Variants in SLX4IP observed in about 807,000 individuals in gnomAD.
SLX4IP encodes the protein protein SLX4IP.
In SLX4IP, 34 loss-of-function variants were observed where a neutral mutation model predicts 32.9. The observed-to-expected ratio is 1.03, with a 90% CI of 0.79 to 1.38. The LOEUF is 1.38. Ranked by LOEUF, SLX4IP falls within the 40% of genes most tolerant of loss-of-function variation. SLX4IP has a pLI of 0.00. For missense variants in SLX4IP, 444 were observed against 479.0 expected (o/e 0.93, Z 0.68); for synonymous variants, 172 against 171.7 (o/e 1.00, Z -0.01).
At chr20:10,483,415 C>G (rs955809041) in intron 2 of SLX4IP, among the ~76,000 whole-genome samples, 1 of 152,132 alleles carries the variant, frequency 6.6e-6, no homozygotes, top group Admixed American at 6.6e-5. Context: ...AGCCACTGCG[C>G]TTGTCCAAGA....
At chr20:10,516,315 T>G (rs896968292) in intron 2 of SLX4IP, among the ~76,000 whole-genome samples, 3 of 152,232 alleles carry the variant, frequency 2.0e-5, no homozygotes, top group Admixed American at 1.3e-4. Context: ...AGGTTTAGTT[T>G]TTTTAGCTCA....
At chr20:10,480,479 G>A (rs1399214446) in intron 2 of SLX4IP, among the ~76,000 whole-genome samples, 3 of 151,942 alleles carry the variant, frequency 2.0e-5, no homozygotes, top group Non-Finnish European at 4.4e-5. Context: ...GTGTACTGTA[G>A]ATTATATCAT....
At chr20:10,451,274 C>A (rs2065239773) in intron 1 of SLX4IP, among the ~76,000 whole-genome samples, 1 of 151,986 alleles carries the variant, frequency 6.6e-6, no homozygotes, top group Non-Finnish European at 1.5e-5. Context: ...GATTCTCCTG[C>A]CTCAGCCTTG....
intron 6 of SLX4IP, among the ~76,000 whole-genome samples, chr20:10,620,486 A>G (rs900813271): frequency 6.6e-6 from 1 of 152,210 alleles, no homozygotes; most frequent in Non-Finnish European, 1.5e-5. Context: ...GCCAAGAATC[A>G]CAAACTACAG....
rs6108647 is a variant in SLX4IP at position 10,625,835 on chromosome 20, C to G, written c.*2456C>G. 6.6e-6 allele frequency: 1 copy of G among 152,110 alleles called. No homozygotes were observed. Among genetic ancestry groups the G allele is most frequent in the Non-Finnish European group, 1.5e-5 (1 of 68,018 alleles). 9.4% of individuals were successfully genotyped at this position (152,110 alleles called of 1,614,324 possible). A position where few individuals can be genotyped will look rare whatever the true frequency, so the allele number is the denominator to read the frequency against. ...AGGAATTTTGCCTTTAAGCATTTTTCTTGCACATGGCTGAAACACCCCTGG... is the reference window on the plus strand; with the variant it reads ...AGGAATTTTGCCTTTAAGCATTTTTGTTGCACATGGCTGAAACACCCCTGG... On this transcript the variant is annotated 3_prime_UTR_variant, in exon 8 of 8. Transcript: ENST00000334534.
chr20:10,468,747 G>GTT (rs898999569), intron 2 of SLX4IP, among the ~76,000 whole-genome samples: 5 of 151,918 alleles, frequency 3.3e-5, no homozygotes, highest in African/African-American at 1.2e-4. Context: ...CTTGCTATGT[G>GTT]TTTTTTTGAC....
chr20:10,614,109 T>A, intron 6 of SLX4IP: 1 of 1,526,036 alleles, frequency 6.6e-7, no homozygotes, highest in Non-Finnish European at 9.0e-7. Flanking sequence ...CAGGGACACC[T>A]TGTGGTAGCC....
intron 2 of SLX4IP, among the ~76,000 whole-genome samples, chr20:10,472,152 T>G (rs575071143): frequency 6.6e-6 from 1 of 152,184 alleles, no homozygotes; most frequent in Admixed American, 6.5e-5. Context: ...TTGTTTATTA[T>G]AGTTTTCTTA....
At chr20:10,518,493 CCTTCCTT>C (rs2065876087) in intron 2 of SLX4IP, among the ~76,000 whole-genome samples, 2 of 12,628 alleles carry the variant, frequency 1.6e-4, no homozygotes, top group African/African-American at 9.5e-4. Flanking sequence ...CTTTCCTTTT[CCTTCCTT>C]CCTTCCTTCC....
At chr20:10,487,908 T>A (rs138241651) in intron 2 of SLX4IP, among the ~76,000 whole-genome samples, 15 of 152,328 alleles carry the variant, frequency 9.8e-5, no homozygotes, top group African/African-American at 3.6e-4. Context: ...AATGGAATGA[T>A]GATTTCCTTT....
At chr20:10,455,828 C>T (rs2065280502) in intron 1 of SLX4IP, among the ~76,000 whole-genome samples, 1 of 152,116 alleles carries the variant, frequency 6.6e-6, no homozygotes, top group Middle Eastern at 3.2e-3. Context: ...CCAGGGTTGT[C>T]TCGAACTCCT....
At chr20:10,467,399 A>C (rs983065884) in intron 2 of SLX4IP, among the ~76,000 whole-genome samples, 1 of 152,192 alleles carries the variant, frequency 6.6e-6, no homozygotes, top group Admixed American at 6.5e-5. Context: ...GGAGTGTGCA[A>C]CCTTTGTCCC....
chr20:10,568,321 A>G (rs1313611932), intron 4 of SLX4IP, among the ~76,000 whole-genome samples: 1 of 152,202 alleles, frequency 6.6e-6, no homozygotes, highest in African/African-American at 2.4e-5. Flanking sequence ...CAGAATGTCA[A>G]CAGAGCAATG....
chr20:10,615,163 A>G (rs990992395), intron 6 of SLX4IP, among the ~76,000 whole-genome samples: 2 of 152,086 alleles, frequency 1.3e-5, no homozygotes, highest in African/African-American at 4.8e-5. Context: ...CTGCCTTCAT[A>G]CTGGAGAAGT....
At chr20:10,533,103 A>T (rs548235777) in intron 2 of SLX4IP, among the ~76,000 whole-genome samples, 23 of 152,108 alleles carry the variant, frequency 1.5e-4, no homozygotes, top group African/African-American at 5.5e-4. Flanking sequence ...GTCAAGAAGG[A>T]GAAACTTCAG....
chr20:10,532,132 G>C (rs996706506), intron 2 of SLX4IP, among the ~76,000 whole-genome samples: 1 of 152,120 alleles, frequency 6.6e-6, no homozygotes, highest in African/African-American at 2.4e-5. Flanking sequence ...TTGTGTACAT[G>C]TGCCAAGATG....
chr20:10,578,414 A>C (rs1258261284), intron 4 of SLX4IP, among the ~76,000 whole-genome samples: 1 of 152,228 alleles, frequency 6.6e-6, no homozygotes, highest in Non-Finnish European at 1.5e-5. Context: ...TATCAGTAGT[A>C]CTTTATTTCA....
intron 6 of SLX4IP, among the ~76,000 whole-genome samples, chr20:10,607,774 A>G (rs2066921400): frequency 6.6e-6 from 1 of 152,218 alleles, no homozygotes; most frequent in Admixed American, 6.5e-5. Flanking sequence ...ATAAGAAAAA[A>G]AAAAATCTCT....
At chr20:10,469,002 A>C (rs1028841082) in intron 2 of SLX4IP, among the ~76,000 whole-genome samples, 1 of 152,206 alleles carries the variant, frequency 6.6e-6, no homozygotes, top group Admixed American at 6.5e-5. Context: ...TGGGCCACAC[A>C]TAAAATACAC....
Sources: allele counts gnomAD v4.1 joint callset (sites outside exome capture counted in the v4.1 genomes callset), GRCh38; gene constraint gnomAD v4.1.1; transcripts MANE v1.5; gene names NCBI Gene and HGNC (gene_info 2026-07-23, HGNC 2026-07-21).